MYT1L: variants seen among roughly 807,000 people sequenced by gnomAD.
MYT1L encodes myelin transcription factor 1-like protein.
MYT1L carries 12 observed loss-of-function variants against 126.7 expected under a neutral mutation model. That is an observed-to-expected ratio of 0.09 (90% CI 0.06 to 0.15). The LOEUF (loss-of-function observed/expected upper bound fraction) is 0.15. Among genes scored for constraint, MYT1L ranks in the 10% least tolerant of loss-of-function variants. The pLI is 1.00. For synonymous variants in MYT1L, 541 were observed against 604.2 expected (o/e 0.90, Z 1.53); for missense variants, 979 against 1,585.2 (o/e 0.62, Z 6.49).
At chr2:2,246,403 C>T (rs2149183338) in intron 2 of MYT1L, among the ~76,000 whole-genome samples, 1 of 152,272 alleles carries the variant, frequency 6.6e-6, no homozygotes, top group Middle Eastern at 3.4e-3. Flanking sequence ...GATGGGGAGA[C>T]AGTGTGGCTG....
intron 3 of MYT1L, among the ~76,000 whole-genome samples, chr2:2,122,141 G>A (rs956031670): frequency 2.6e-5 from 4 of 152,212 alleles, no homozygotes; most frequent in African/African-American, 7.2e-5. Flanking sequence ...TAGCAATGCC[G>A]TGCAGTCAAC....
chr2:1,897,310 G>A (rs757092076), intron 14 of MYT1L, among the ~76,000 whole-genome samples: 1 of 152,232 alleles, frequency 6.6e-6, no homozygotes, highest in Non-Finnish European at 1.5e-5. Flanking sequence ...TCAGTGCCCT[G>A]ACAGCAGGGG....
chr2:2,000,575 C>T (rs999429992), intron 4 of MYT1L, among the ~76,000 whole-genome samples: 1 of 152,116 alleles, frequency 6.6e-6, no homozygotes, highest in Non-Finnish European at 1.5e-5. Context: ...AGGGGCTATG[C>T]CTGCCCCGCT....
At chr2:1,838,662 T>G (rs914253310) in intron 21 of MYT1L, among the ~76,000 whole-genome samples, 1 of 152,166 alleles carries the variant, frequency 6.6e-6, no homozygotes, top group Non-Finnish European at 1.5e-5. Context: ...TCTAACTGCA[T>G]GTATTTCTTT....
At chr2:1,994,762 A>T (rs2061698003) in intron 5 of MYT1L, among the ~76,000 whole-genome samples, 1 of 152,248 alleles carries the variant, frequency 6.6e-6, no homozygotes, top group South Asian at 2.1e-4. Flanking sequence ...GGTAAAAAAA[A>T]TTTAAAATTA....
intron 21 of MYT1L, among the ~76,000 whole-genome samples, chr2:1,813,967 C>T (rs1275540058): frequency 7.5e-6 from 1 of 132,602 alleles, no homozygotes; most frequent in Non-Finnish European, 1.6e-5. Context: ...GCGGAGCTTG[C>T]AGTGAGCCGA....
intron 3 of MYT1L, among the ~76,000 whole-genome samples, chr2:2,126,886 C>T (rs1049625822): frequency 6.6e-6 from 1 of 152,164 alleles, no homozygotes; most frequent in African/African-American, 2.4e-5. Flanking sequence ...GGATTTATAA[C>T]CAGCATACAC....
chr2:1,850,016 TA>T (rs2043002744), intron 19 of MYT1L, among the ~76,000 whole-genome samples: 1 of 118,622 alleles, frequency 8.4e-6, no homozygotes, highest in African/African-American at 3.5e-5. Context: ...AACCGTGCTC[TA>T]GGGGGCGGGG....
intron 2 of MYT1L, among the ~76,000 whole-genome samples, chr2:2,253,201 G>T (rs189598714): frequency 1.6e-4 from 25 of 152,326 alleles, no homozygotes; most frequent in African/African-American, 5.8e-4. Context: ...GTGAGCCGGA[G>T]CGGGCTCCAC....
intron 2 of MYT1L, among the ~76,000 whole-genome samples, chr2:2,262,205 T>TAATG (rs941669969): frequency 2.4e-4 from 36 of 152,164 alleles, no homozygotes; most frequent in Non-Finnish European, 4.4e-4. Flanking sequence ...TGGGGAAGAA[T>TAATG]AATGAATGAA....
intron 3 of MYT1L, among the ~76,000 whole-genome samples, chr2:2,106,011 C>T (rs2078708064): frequency 6.6e-6 from 1 of 152,116 alleles, no homozygotes; most frequent in Non-Finnish European, 1.5e-5. Context: ...AAAAGAAAGT[C>T]AAACACCTTC....
Position 1,914,654 on chromosome 2 carries a change from G to A in MYT1L, c.1619-2544C>T, listed in dbSNP as rs143081577. The stretch of plus-strand genomic sequence containing the variant: ...AAGTCCCGGTTCTCCACCAAATGTG[G>A]CCCTGCTGCTCAGCTTTCTGTACAG... On this transcript the variant is annotated intron_variant, in intron 11 of 24. Coordinates refer to ENST00000647738, the MANE Select transcript of MYT1L (RefSeq NM_001303052.2). 3.3e-4 allele frequency among the ~76,000 whole-genome samples: 51 copies of A among 152,242 alleles called. No homozygotes were observed. In the East Asian group the frequency reaches 8.3e-3, roughly 25 times the overall value.
At chr2:1,911,690 G>A (rs543261588) in intron 12 of MYT1L, among the ~76,000 whole-genome samples, 1 of 152,166 alleles carries the variant, frequency 6.6e-6, no homozygotes, top group Admixed American at 6.5e-5. Context: ...TCCAGGCCAC[G>A]TCCTGTCCAA....
rs1285476555 is a variant in MYT1L at position 1,852,897 on chromosome 2, A to G, written c.2712-1194T>C. ...AGATTTCAATTTGCTTTCCACTCAG[A>G]AAGTCACTATGGATAGGGTACTGGG... On this transcript the variant is annotated intron_variant, in intron 18 of 24. Transcript: ENST00000647738. The surrounding 1 kb of genome is among the most constrained non-coding windows in gnomAD (Gnocchi z 4.0). Among the ~76,000 whole-genome samples, 1 of 152,230 alleles carries G rather than the reference A, an allele frequency of 6.6e-6. No homozygotes were observed. Among genetic ancestry groups the G allele is most frequent in the Non-Finnish European group, 1.5e-5 (1 of 68,044 alleles).
intron 11 of MYT1L, among the ~76,000 whole-genome samples, chr2:1,913,436 A>C (rs1558377625): frequency 6.6e-6 from 1 of 152,052 alleles, no homozygotes; most frequent in Non-Finnish European, 1.5e-5. Context: ...GGATCCAAGC[A>C]CAGTTCCCTG....
chr2:2,106,372 G>A (rs2078761425), intron 3 of MYT1L, among the ~76,000 whole-genome samples: 1 of 152,154 alleles, frequency 6.6e-6, no homozygotes, highest in East Asian at 1.9e-4. Flanking sequence ...AGCACTGTAG[G>A]AGGCCGAATC....
chr2:2,100,999 A>G (rs752890137), intron 3 of MYT1L, among the ~76,000 whole-genome samples: 1 of 152,112 alleles, frequency 6.6e-6, no homozygotes, highest in Non-Finnish European at 1.5e-5. Flanking sequence ...CAGAGTTATC[A>G]CTCCTCAAAT....
intron 3 of MYT1L, among the ~76,000 whole-genome samples, chr2:2,145,207 T>C (rs1170369453): frequency 6.6e-6 from 1 of 152,172 alleles, no homozygotes; most frequent in African/African-American, 2.4e-5. Flanking sequence ...GTGGCCTCAT[T>C]GTCTGTGTAC....
intron 14 of MYT1L, among the ~76,000 whole-genome samples, chr2:1,898,596 G>C (rs1259607815): frequency 6.6e-6 from 1 of 152,248 alleles, no homozygotes; most frequent in African/African-American, 2.4e-5. Context: ...GACCTAGCAG[G>C]AGCTTGCGGC....
Sources: allele counts gnomAD v4.1 joint callset (sites outside exome capture counted in the v4.1 genomes callset), GRCh38; gene constraint gnomAD v4.1.1; non-coding constraint Gnocchi (gnomAD v3.1); transcripts MANE v1.5; gene names NCBI Gene and HGNC (gene_info 2026-07-23, HGNC 2026-07-21).